The following DSP variants were observed in gnomAD, a reference collection of about 807,000 sequenced individuals.
DSP encodes the protein desmoplakin.
A neutral mutation model predicts 290.6 loss-of-function variants in DSP; 114 were observed. The ratio of observed to expected loss-of-function variants is 0.39; its 90% CI spans 0.34 to 0.46. The LOEUF (loss-of-function observed/expected upper bound fraction) is 0.46. Ranked by LOEUF, DSP falls within the 20% of genes least tolerant of loss-of-function variation. The pLI, the probability that DSP is intolerant of heterozygous loss-of-function variation, is 0.99. For synonymous variants in DSP, 1,311 were observed against 1,316.4 expected (o/e 1.00, Z 0.09); for missense variants, 3,230 against 3,495.8 (o/e 0.92, Z 1.92).
intron 21 of DSP, among the ~76,000 whole-genome samples, 188 bp downstream of exon 21, chr6:7,578,074 T>C (rs1381964810): frequency 1.3e-5 from 2 of 152,230 alleles, no homozygotes; most frequent in African/African-American, 2.4e-5. Context: ...GTGTGAGTCA[T>C]TGATGTATGA....
At chr6:7,571,819 G>A (rs766950432) in intron 14 of DSP, 23 bp from the exon 15 acceptor site, 10 of 1,608,350 alleles carry the variant, frequency 6.2e-6, no homozygotes, top group African/African-American at 4.0e-5. Context: ...TCTGATTTTT[G>A]TGGCCCTAAC....
At chr6:7,549,135 TAG>T (rs1758258782) in intron 1 of DSP, among the ~76,000 whole-genome samples, 1 of 147,316 alleles carries the variant, frequency 6.8e-6, no homozygotes, top group African/African-American at 2.6e-5. Context: ...CTGATGTATA[TAG>T]AGAGTGTTTA....
At chr6:7,563,707 ATATC>A (rs1349100854) in intron 5 of DSP, 25 bp from the exon 6 acceptor site, 19 of 1,598,792 alleles carry the variant, frequency 1.2e-5, no homozygotes, top group Non-Finnish European at 1.5e-5. Flanking sequence ...AAGGGGATTT[ATATC>A]TACCTGCTTT....
intron 12 of DSP, 99 bp from the exon 13 acceptor site, chr6:7,570,338 T>TACTTTATCA: frequency 6.4e-7 from 1 of 1,560,630 alleles, no homozygotes; most frequent in East Asian, 2.2e-5. Flanking sequence ...CAGTGACTGT[T>TACTTTATCA]GTAGGTTTTT....
intron 22 of DSP, among the ~76,000 whole-genome samples, chr6:7,578,774 T>TG (rs1012242246): frequency 1.3e-5 from 2 of 152,218 alleles, no homozygotes; most frequent in African/African-American, 4.8e-5. Context: ...GTCATAATAT[T>TG]GCAACAACTT....
intron 15 of DSP, among the ~76,000 whole-genome samples, chr6:7,572,514 A>G (rs1483657165): frequency 3.9e-5 from 6 of 152,196 alleles, no homozygotes; most frequent in African/African-American, 9.7e-5. Context: ...GCCTGGGCAC[A>G]CTGCACTGGA....
intron 10 of DSP, 66 bp downstream of exon 10, chr6:7,567,972 A>G: frequency 6.2e-7 from 1 of 1,600,238 alleles, no homozygotes; most frequent in Non-Finnish European, 8.5e-7. Flanking sequence ...CATGCCTTGG[A>G]TGCAGTTGGC....
chr6:7,557,266 G>T (rs1043202304), intron 2 of DSP, among the ~76,000 whole-genome samples: 4 of 152,174 alleles, frequency 2.6e-5, no homozygotes, highest in Admixed American at 1.3e-4. Context: ...GTACAAAGGG[G>T]TCTCTACCCA....
chr6:7,582,588 T>C lies in DSP; in HGVS notation c.5380-54T>C, dbSNP rs1028694404. ...AAAGAAAGTTAAGTCGTGATAGTAATATGATATGATTCAAAACATTATTTT... is the reference window on the plus strand; with the variant it reads ...AAAGAAAGTTAAGTCGTGATAGTAACATGATATGATTCAAAACATTATTTT... On this transcript the variant is annotated intron_variant, in intron 23 of 23. Coordinates refer to ENST00000379802, the MANE Select transcript of DSP (RefSeq NM_004415.4). This position sits in a 1 kb window ranked among gnomAD's most constrained non-coding sequence, Gnocchi z 4.2. 2 of 1,446,136 alleles carry C rather than the reference T, an allele frequency of 1.4e-6. No individual in the cohort carries two copies. The highest frequency in any genetic ancestry group is 1.9e-6 in the Non-Finnish European group (2 of 1,029,886). 89.6% of individuals were successfully genotyped at this position (1,446,136 alleles called of 1,614,324 possible). A position where few individuals can be genotyped will look rare whatever the true frequency, so the allele number is the denominator to read the frequency against.
In DSP at chr6:7,576,363, G is replaced by A. The variant is rs2113686599; in HGVS notation, c.2700G>A (p.Lys900=). 1 of 1,614,152 alleles carries A rather than the reference G, an allele frequency of 6.2e-7. No individual in the cohort carries two copies. Among genetic ancestry groups the A allele is most frequent in the East Asian group, 2.2e-5 (1 of 44,874 alleles). Residue 900 remains lysine, a synonymous_variant, in exon 19 of 24, where the codon AAG becomes AAA. Transcript: ENST00000379802. ...GTGATAACTATCAGGCTTTCTGCAA[G>A]TGGCTCTATGATGCTAAACGCCGCC... The part of the protein sequence containing the change: ...NYRDNYQAFC[K]WLYDAKRRQD...
At chr6:7,567,660 T>C in intron 9 of DSP, 121 bp from the exon 10 acceptor site, 2 of 1,498,208 alleles carry the variant, frequency 1.3e-6, no homozygotes, top group Non-Finnish European at 1.8e-6. Context: ...TCTGCACGAA[T>C]TTTTTCCTTT....
Position 7,568,689 on chromosome 6 carries a change from C to A in DSP, c.1419+100C>A, listed in dbSNP as rs1264464076. The A allele has an allele frequency of 1.6e-5, 21 of 1,293,906 alleles. No homozygotes were observed. The African/African-American group carries it at 1.9e-4, about 12-fold the overall frequency. 80.2% of individuals were successfully genotyped at this position (1,293,906 alleles called of 1,614,324 possible). On this transcript the variant is annotated intron_variant, in intron 11 of 23. Transcript: ENST00000379802. ...CATTTAATCTAGAGTTCAATAATCA[C>A]CACAGTCAATGTCTTTGATCTATGA...
chr6:7,563,866 C>A, intron 6 of DSP, 80 bp downstream of exon 6: 1 of 1,318,880 alleles, frequency 7.6e-7, no homozygotes, highest in Non-Finnish European at 1.1e-6. Context: ...CAAGCACATC[C>A]TGGCGGGGAG....
rs1257788061 is a variant in DSP at position 7,580,166 on chromosome 6, G to C, written c.3976G>C (p.Glu1326Gln). 6.2e-7 allele frequency: 1 copy of C among 1,613,936 alleles called. No individual in the cohort carries two copies. The highest frequency in any genetic ancestry group is 1.3e-5 in the African/African-American group (1 of 74,890). ...CAAGACCATTCAGGACAAAAATAAG[G>C]AGATCGAGAGACTCAAAGCTGAGTT... ...AAKTIQDKNK[E>Q]IERLKAEFQE... The change falls in exon 23 of 24, where the codon GAG becomes CAG. Residue 1326 changes from glutamate to glutamine, a missense_variant. Coordinates refer to ENST00000379802, the MANE Select transcript of DSP (RefSeq NM_004415.4). The surrounding 1 kb of genome is among the most constrained non-coding windows in gnomAD (Gnocchi z 4.2).
intron 1 of DSP, among the ~76,000 whole-genome samples, chr6:7,552,804 A>C (rs765803643): frequency 6.6e-6 from 1 of 151,970 alleles, no homozygotes; most frequent in Non-Finnish European, 1.5e-5. Context: ...AACAGAGCAA[A>C]CCCACCAATG....
chr6:7,542,719 G>C (rs755004206), intron 1 of DSP, among the ~76,000 whole-genome samples: 1 of 152,214 alleles, frequency 6.6e-6, no homozygotes, highest in South Asian at 2.1e-4. Context: ...CTTCCCCGCC[G>C]GGGCGGCTGC....
intron 7 of DSP, among the ~76,000 whole-genome samples, chr6:7,566,022 C>A (rs373730689): frequency 1.7e-4 from 26 of 152,148 alleles, no homozygotes; most frequent in African/African-American, 6.3e-4. Context: ...TGTTTAATAT[C>A]CCAGAAGACC....
In DSP at chr6:7,541,686, C is replaced by A; in HGVS notation, c.-230C>A. 1 of 571,572 alleles carries A rather than the reference C, an allele frequency of 1.7e-6. No homozygotes were observed. The highest frequency in any genetic ancestry group is 2.0e-5 in the African/African-American group (1 of 49,896). The allele number at this position is 571,572 out of a possible 1,614,324, so 35.4% of individuals were successfully genotyped here. On this transcript the variant is annotated 5_prime_UTR_variant, in exon 1 of 24. Coordinates refer to ENST00000379802, the MANE Select transcript of DSP (RefSeq NM_004415.4). Reference sequence around the variant, plus strand: ...CGACGCAGCTCCTCTGCGCCCTTGCCGCCCTCCGAGCCACAGCTTTCCTCC... The same window carrying A: ...CGACGCAGCTCCTCTGCGCCCTTGCAGCCCTCCGAGCCACAGCTTTCCTCC...
intron 1 of DSP, among the ~76,000 whole-genome samples, chr6:7,554,143 G>A (rs73375310): frequency 0.028 from 2,292 of 82,396 alleles, 54 homozygotes; most frequent in African/African-American, 0.12. Flanking sequence ...GGTTAGACAG[G>A]CATCAGATAA....
Sources: allele counts gnomAD v4.1 joint callset (sites outside exome capture counted in the v4.1 genomes callset), GRCh38; gene constraint gnomAD v4.1.1; non-coding constraint Gnocchi (gnomAD v3.1); transcripts MANE v1.5; gene names NCBI Gene and HGNC (gene_info 2026-07-23, HGNC 2026-07-21).